SOX6: variants seen among roughly 807,000 people sequenced by gnomAD.
The protein encoded by SOX6 is transcription factor SOX-6.
SOX6 carries 11 observed loss-of-function variants against 97.8 expected under a neutral mutation model. That is an observed-to-expected ratio of 0.11 (90% confidence interval 0.07 to 0.19). The LOEUF (loss-of-function observed/expected upper bound fraction) is 0.19, where lower values mean the gene tolerates loss of function less well. Among genes scored for constraint, SOX6 ranks in the 10% least tolerant of loss-of-function variants. The pLI is 1.00. For missense variants in SOX6, 810 were observed against 1,039.5 expected (o/e 0.78, Z 3.04); for synonymous variants, 360 against 371.4 (o/e 0.97, Z 0.35).
intron 1 of SOX6, among the ~76,000 whole-genome samples, chr11:16,402,277 C>T (rs951466403): frequency 5.3e-5 from 8 of 151,638 alleles, no homozygotes; most frequent in African/African-American, 1.9e-4. Context: ...TTCCTGTAAA[C>T]TTTCAGTGAT....
At chr11:16,172,420 C>T (rs908321260) in intron 6 of SOX6, among the ~76,000 whole-genome samples, 13 of 152,058 alleles carry the variant, frequency 8.5e-5, no homozygotes, top group African/African-American at 2.7e-4. Flanking sequence ...CCTTTACAGG[C>T]CCTCTTCTTA....
rs1315442379 is a variant in SOX6, at chr11:16,540,843, C to T, written n.610-64455G>A. On this transcript the variant is annotated intron_variant and non_coding_transcript_variant, in intron 4 of 5. Transcript: ENST00000524520. ...AAGAGGATACAAACAAATGGAAGAA[C>T]ACTCCATGCTCATGGGTAGGAAGAA... Among the ~76,000 whole-genome samples, 4 of 152,152 alleles carry T rather than the reference C, an allele frequency of 2.6e-5. No homozygotes were observed. In the East Asian group the frequency reaches 7.7e-4, roughly 29 times the overall value.
chr11:16,063,923 T>C (rs1234699085), intron 9 of SOX6, among the ~76,000 whole-genome samples: 4 of 151,614 alleles, frequency 2.6e-5, no homozygotes, highest in African/African-American at 9.7e-5. Context: ...ACCAATTTCT[T>C]GTTCCTAGTC....
intron 6 of SOX6, among the ~76,000 whole-genome samples, chr11:16,148,895 T>C (rs1765487922): frequency 6.6e-6 from 1 of 152,164 alleles, no homozygotes; most frequent in Admixed American, 6.6e-5. Context: ...GGAAAACTTG[T>C]TTCTGGCACA....
chr11:16,112,499 C>T (rs1849255385), intron 6 of SOX6, among the ~76,000 whole-genome samples: 1 of 152,160 alleles, frequency 6.6e-6, no homozygotes, highest in South Asian at 2.1e-4. Context: ...TTGCCATACA[C>T]ACCTCGATGT....
Position 16,341,227 on chromosome 11 carries a change from A to C in SOX6, c.22T>G (p.Ser8Ala). 3.1e-6 allele frequency: 5 copies of C among 1,613,300 alleles called. No individual in the cohort carries two copies. Among genetic ancestry groups the C allele is most frequent in the Non-Finnish European group, 4.2e-6 (5 of 1,179,520 alleles). The change falls in exon 2 of 16, where the codon TCT becomes GCT. Residue 8 changes from serine to alanine, a missense_variant. Transcript: ENST00000683767. Reference sequence around the variant, plus strand: ...CCATCAGCTGCACAGGCAAATGGAGAGGTGGCTTGCTTGGAAGACATTCTT... The same window carrying C: ...CCATCAGCTGCACAGGCAAATGGAGCGGTGGCTTGCTTGGAAGACATTCTT... MSSKQAT[S>A]PFACAADGED...
At chr11:15,984,120 T>A (rs1853753193) in intron 15 of SOX6, among the ~76,000 whole-genome samples, 1 of 152,210 alleles carries the variant, frequency 6.6e-6, no homozygotes, top group African/African-American at 2.4e-5. Context: ...ATTTAGAGAA[T>A]TATGTGACTT....
intron 3 of SOX6, among the ~76,000 whole-genome samples, chr11:16,676,612 TA>T (rs1320355059): frequency 6.6e-6 from 1 of 152,202 alleles, no homozygotes; most frequent in Non-Finnish European, 1.5e-5. Flanking sequence ...ACAAATTTTG[TA>T]AAGTCTGTAT....
At chr11:16,721,788 C>A (rs1053543038) in intron 2 of SOX6, among the ~76,000 whole-genome samples, 1 of 151,476 alleles carries the variant, frequency 6.6e-6, no homozygotes, top group Non-Finnish European at 1.5e-5. Context: ...TCATTAATTA[C>A]CCACTTTTAG....
intron 4 of SOX6, among the ~76,000 whole-genome samples, chr11:16,512,113 C>T (rs1590228478): frequency 6.6e-6 from 1 of 152,116 alleles, no homozygotes; most frequent in Non-Finnish European, 1.5e-5. Flanking sequence ...CAAAACCTAC[C>T]ATCTTCCAAA....
At chr11:16,520,671 G>A (rs1475630407) in intron 4 of SOX6, among the ~76,000 whole-genome samples, 5 of 152,228 alleles carry the variant, frequency 3.3e-5, no homozygotes, top group Non-Finnish European at 7.3e-5. Flanking sequence ...GAAGCAGGGC[G>A]AGGCATGGCC....
chr11:16,272,861 T>C (rs1854297078), intron 3 of SOX6, among the ~76,000 whole-genome samples: 1 of 151,934 alleles, frequency 6.6e-6, no homozygotes, highest in Admixed American at 6.6e-5. Context: ...ACACTCCATC[T>C]AGCACAATGT....
At chr11:16,079,637 T>C (rs983447976) in intron 9 of SOX6, among the ~76,000 whole-genome samples, 2 of 152,292 alleles carry the variant, frequency 1.3e-5, no homozygotes, top group Admixed American at 1.3e-4. Flanking sequence ...TACTTATAAG[T>C]GATCAGGTAG....
intron 1 of SOX6, among the ~76,000 whole-genome samples, chr11:16,413,971 G>A (rs2133058675): frequency 6.6e-6 from 1 of 151,776 alleles, no homozygotes; most frequent in South Asian, 2.1e-4. Flanking sequence ...AGAAGCCTGG[G>A]GAAACTGGAA....
At chr11:16,669,557 C>T (rs927682455) in intron 3 of SOX6, among the ~76,000 whole-genome samples, 2 of 152,348 alleles carry the variant, frequency 1.3e-5, no homozygotes, top group East Asian at 1.9e-4. Flanking sequence ...CAGCCATACC[C>T]GGCTGGGGCT....
At chr11:16,185,248 A>G (rs376859750) in intron 5 of SOX6, among the ~76,000 whole-genome samples, 2 of 152,316 alleles carry the variant, frequency 1.3e-5, no homozygotes, top group South Asian at 2.1e-4. Context: ...CTTTATACTT[A>G]AAGTGGAAAT....
intron 3 of SOX6, among the ~76,000 whole-genome samples, chr11:16,640,530 C>T (rs1383616981): frequency 1.3e-5 from 2 of 152,124 alleles, no homozygotes; most frequent in African/African-American, 2.4e-5. Context: ...GCTGTGAATC[C>T]ATCTGGTCCT....
chr11:16,528,757 T>C (rs192304187), intron 4 of SOX6, among the ~76,000 whole-genome samples: 36 of 152,222 alleles, frequency 2.4e-4, no homozygotes, highest in Admixed American at 2.0e-3. Flanking sequence ...GAGAAATTGA[T>C]AGCACTTCTC....
intron 4 of SOX6, among the ~76,000 whole-genome samples, chr11:16,550,146 A>T (rs1037578538): frequency 2.6e-5 from 4 of 152,184 alleles, no homozygotes. Flanking sequence ...ATAAAAAAGG[A>T]TGAGTCCATG....
Sources: gnomAD v4.1 joint callset for allele counts (sites outside exome capture counted in the v4.1 genomes callset) on GRCh38, gnomAD v4.1.1 for gene constraint, MANE v1.5 for transcripts, NCBI Gene and HGNC (gene_info 2026-07-23, HGNC 2026-07-21) for gene names.